Variants in CDH10 observed in about 807,000 individuals in gnomAD.
CDH10 encodes the protein cadherin 10.
CDH10 carries 30 observed loss-of-function variants against 73.1 expected under a neutral mutation model. The ratio of observed to expected loss-of-function variants is 0.41; its 90% CI spans 0.31 to 0.56. The LOEUF (loss-of-function observed/expected upper bound fraction) is 0.56. Among genes scored for constraint, CDH10 ranks in the 20% least tolerant of loss-of-function variants. The pLI is 0.27. For missense variants in CDH10, 815 were observed against 973.7 expected (o/e 0.84, Z 2.17); for synonymous variants, 345 against 348.2 (o/e 0.99, Z 0.10).
chr5:24,525,873 A>G (rs1467213124), intron 5 of CDH10, among the ~76,000 whole-genome samples: 1 of 152,110 alleles, frequency 6.6e-6, no homozygotes, highest in East Asian at 1.9e-4. Context: ...GGATCCCCAG[A>G]GTCCTGGAAA....
intron 8 of CDH10, 38 bp from the exon 9 acceptor site, chr5:24,498,557 A>G (rs749111178): frequency 1.3e-6 from 2 of 1,509,946 alleles, no homozygotes; most frequent in Admixed American, 3.4e-5. Context: ...TAGGAAGATA[A>G]ATTGGTGCAT....
At chr5:24,535,598 G>A in intron 4 of CDH10, 105 bp downstream of exon 4, 1 of 988,454 alleles carries the variant, frequency 1.0e-6, no homozygotes, top group Non-Finnish European at 1.5e-6. Context: ...TCACTCATCT[G>A]TGAGTATTAA....
intron 5 of CDH10, among the ~76,000 whole-genome samples, chr5:24,521,888 C>G (rs13188622): frequency 0.39 from 59,863 of 151,940 alleles, 12,707 homozygotes; most frequent in Admixed American, 0.52. Context: ...ATAATCCCAG[C>G]ACTTTGGGAG....
intron 2 of CDH10, among the ~76,000 whole-genome samples, chr5:24,569,331 C>T (rs912292153): frequency 6.6e-6 from 1 of 151,970 alleles, no homozygotes; most frequent in Non-Finnish European, 1.5e-5. Context: ...TTGCACAATG[C>T]TGTAAATTAA....
chr5:24,571,076 A>G (rs1410622913), intron 2 of CDH10, among the ~76,000 whole-genome samples: 3 of 152,120 alleles, frequency 2.0e-5, no homozygotes, highest in Non-Finnish European at 4.4e-5. Context: ...ATTCTTCACA[A>G]TGGAATTTTC....
At chr5:24,544,678 G>A (rs1579786012) in intron 2 of CDH10, among the ~76,000 whole-genome samples, 2 of 152,266 alleles carry the variant, frequency 1.3e-5, no homozygotes, top group South Asian at 4.1e-4. Context: ...TGACTAAGGT[G>A]TCCAATCTGG....
chr5:24,606,209 T>C (rs973143105), intron 1 of CDH10, among the ~76,000 whole-genome samples: 13 of 152,074 alleles, frequency 8.5e-5, no homozygotes, highest in African/African-American at 2.9e-4. Flanking sequence ...ATCTGTAAAT[T>C]TTACTTCCCT....
intron 5 of CDH10, among the ~76,000 whole-genome samples, chr5:24,523,138 A>C (rs921032664): frequency 3.3e-5 from 5 of 152,138 alleles, no homozygotes; most frequent in Admixed American, 1.3e-4. Context: ...TGGGGAGAAC[A>C]GAATGATGGG....
In CDH10 at chr5:24,641,014, A is replaced by C. The variant is rs191899035; in HGVS notation, c.-124+3580T>G. On this transcript the variant is annotated intron_variant, in intron 1 of 11. Coordinates refer to ENST00000264463, the MANE Select transcript of CDH10 (RefSeq NM_006727.5). ...ACTCATCATTGTTAATATTTCATTA[A>C]GAATAATACATTCCCAGAAATCTAC... 3.0e-3 allele frequency among the ~76,000 whole-genome samples: 449 copies of C among 152,180 alleles called. 2 individuals carry two copies. Among genetic ancestry groups the C allele is most frequent in the Middle Eastern group, 6.8e-3 (2 of 294 alleles).
chr5:24,595,770 T>A (rs889062937), intron 1 of CDH10, among the ~76,000 whole-genome samples: 2 of 151,916 alleles, frequency 1.3e-5, no homozygotes, highest in Non-Finnish European at 2.9e-5. Flanking sequence ...TTTTTAAAAA[T>A]TGTCAGCAAT....
chr5:24,493,435 T>C (rs1037797890), intron 9 of CDH10, among the ~76,000 whole-genome samples: 4 of 151,900 alleles, frequency 2.6e-5, no homozygotes, highest in African/African-American at 9.7e-5. Context: ...TTCAATAAAA[T>C]TGTATTTTAA....
intron 2 of CDH10, among the ~76,000 whole-genome samples, chr5:24,582,997 T>A (rs1184771517): frequency 2.6e-5 from 4 of 152,130 alleles, no homozygotes; most frequent in Non-Finnish European, 4.4e-5. Context: ...CTACTTGTAG[T>A]CATATTTCCT....
intron 5 of CDH10, among the ~76,000 whole-genome samples, chr5:24,518,246 A>G (rs891886698): frequency 6.6e-6 from 1 of 152,194 alleles, no homozygotes; most frequent in Non-Finnish European, 1.5e-5. Flanking sequence ...CGTTTATTAT[A>G]TAGCTCAGTG....
intron 1 of CDH10, among the ~76,000 whole-genome samples, chr5:24,600,777 CA>C (rs1435882826): frequency 1.3e-5 from 2 of 151,996 alleles, no homozygotes; most frequent in East Asian, 3.9e-4. Context: ...GTGCAAAGCT[CA>C]GGGGGGAAAA....
Position 24,535,262 on chromosome 5 carries a change from A to G in CDH10, c.664T>C (p.Leu222=), listed in dbSNP as rs2111879047. ...EPETGIIRTA[L]PNMNRENREQ... is the part of the protein sequence containing the mutation. ...CTGTTTTCTCTGTTCATGTTCGGTA[A>G]AGCAGTCCTGATGATACCTTGAGAA... Residue 222 remains leucine, a synonymous_variant, in exon 5 of 12, where the codon TTA becomes CTA. Coordinates refer to ENST00000264463, the MANE Select transcript of CDH10 (RefSeq NM_006727.5). The G allele has an allele frequency of 6.2e-7, 1 of 1,612,448 alleles. No individual in the cohort carries two copies.
At chr5:24,559,481 A>T (rs1286330586) in intron 2 of CDH10, among the ~76,000 whole-genome samples, 1 of 152,066 alleles carries the variant, frequency 6.6e-6, no homozygotes, top group East Asian at 1.9e-4. Flanking sequence ...CACTTCCTTC[A>T]AACATTTCAC....
chr5:24,554,675 T>C (rs1478134565), intron 2 of CDH10, among the ~76,000 whole-genome samples: 2 of 152,146 alleles, frequency 1.3e-5, no homozygotes, highest in Admixed American at 6.5e-5. Flanking sequence ...GAAAGTCTAG[T>C]CAAATCTGAT....
intron 1 of CDH10, among the ~76,000 whole-genome samples, chr5:24,606,035 C>G (rs1040917958): frequency 6.6e-6 from 1 of 152,116 alleles, no homozygotes; most frequent in African/African-American, 2.4e-5. Context: ...TATAGGGATA[C>G]AAGAGAGATC....
chr5:24,493,349 T>C (rs1742134182), intron 9 of CDH10, among the ~76,000 whole-genome samples: 1 of 151,940 alleles, frequency 6.6e-6, no homozygotes, highest in Non-Finnish European at 1.5e-5. Flanking sequence ...TTATAGGTAA[T>C]GTTATATATT....
Sources: gnomAD v4.1 joint callset for allele counts (sites outside exome capture counted in the v4.1 genomes callset) on GRCh38, gnomAD v4.1.1 for gene constraint, MANE v1.5 for transcripts, NCBI Gene and HGNC (gene_info 2026-07-23, HGNC 2026-07-21) for gene names.